SLC35D4: variants seen among roughly 807,000 people sequenced by gnomAD.
SLC35D4 encodes the protein solute carrier family 35 member D4, also known as UDP-N-acetylglucosamine transporter SLC35D4.
the SLC35D4 span, among the ~76,000 whole-genome samples, chr18:23,323,191 AAAAGC>A: frequency 1.3e-5 from 2 of 152,260 alleles, no homozygotes; most frequent in East Asian, 3.8e-4. Flanking sequence ...AGCGTTCAAT[AAAAGC>A]ACCATAATTA....
the SLC35D4 span, among the ~76,000 whole-genome samples, chr18:23,382,132 C>T: frequency 5.3e-5 from 8 of 149,652 alleles, no homozygotes; most frequent in Admixed American, 1.3e-4. Context: ...CCCAGCTACT[C>T]GGGAGGCTGA....
the SLC35D4 span, among the ~76,000 whole-genome samples, chr18:23,275,899 C>A: frequency 2.0e-5 from 3 of 152,160 alleles, no homozygotes; most frequent in East Asian, 5.8e-4. Context: ...TAGGCAAATT[C>A]ATACACACAG....
the SLC35D4 span, among the ~76,000 whole-genome samples, chr18:23,240,719 G>A: frequency 3.3e-5 from 5 of 152,080 alleles, no homozygotes; most frequent in Non-Finnish European, 7.4e-5. Flanking sequence ...CGTCTTCCTC[G>A]GGCCCCCAGG....
At chr18:23,403,996 T>C in the SLC35D4 span, among the ~76,000 whole-genome samples, 28 of 151,998 alleles carry the variant, frequency 1.8e-4, no homozygotes, top group South Asian at 4.2e-4. Context: ...CTCATGTCTG[T>C]AGTCCCAGCT....
chr18:23,239,148 G>A, the SLC35D4 span, among the ~76,000 whole-genome samples: 1 of 152,190 alleles, frequency 6.6e-6, no homozygotes, highest in Non-Finnish European at 1.5e-5. Flanking sequence ...GTGTGTATGT[G>A]CGTGTGCACG....
chr18:23,281,345 C>A, the SLC35D4 span, among the ~76,000 whole-genome samples: 33 of 152,058 alleles, frequency 2.2e-4, no homozygotes, highest in African/African-American at 8.0e-4. Flanking sequence ...TTTTTTGAGA[C>A]AAGATCTTGT....
At chr18:23,348,376 T>A in the SLC35D4 span, among the ~76,000 whole-genome samples, 1 of 152,344 alleles carries the variant, frequency 6.6e-6, no homozygotes, top group Middle Eastern at 3.4e-3. Flanking sequence ...AAGTCTTCTA[T>A]GTACTTCTAT....
the SLC35D4 span, among the ~76,000 whole-genome samples, chr18:23,353,387 G>A: frequency 6.6e-6 from 1 of 152,030 alleles, no homozygotes; most frequent in Non-Finnish European, 1.5e-5. Flanking sequence ...CCCAATCTTG[G>A]GCTGCTCTTC....
chr18:23,358,937 T>G, the SLC35D4 span, among the ~76,000 whole-genome samples: 2 of 152,116 alleles, frequency 1.3e-5, no homozygotes, highest in Admixed American at 6.5e-5. Flanking sequence ...CAAATGTTAG[T>G]GACTGTGCTA....
the SLC35D4 span, among the ~76,000 whole-genome samples, chr18:23,241,932 C>T: frequency 2.0e-5 from 3 of 152,286 alleles, no homozygotes; most frequent in East Asian, 5.8e-4. Flanking sequence ...ATGCAAGTCA[C>T]TCCCACTGTT....
At chr18:23,339,810 AC>A in the SLC35D4 span, among the ~76,000 whole-genome samples, 7 of 152,038 alleles carry the variant, frequency 4.6e-5, no homozygotes, top group African/African-American at 1.7e-4. Flanking sequence ...GCTCTCTGGG[AC>A]CTCTTTTACA....
At chr18:23,343,609 ATAT>A in the SLC35D4 span, among the ~76,000 whole-genome samples, 1 of 152,072 alleles carries the variant, frequency 6.6e-6, no homozygotes, top group Non-Finnish European at 1.5e-5. Flanking sequence ...CAGGTTTGTT[ATAT>A]AGGTAAATTG....
At chr18:23,400,495 C>T in the SLC35D4 span, among the ~76,000 whole-genome samples, 1 of 152,104 alleles carries the variant, frequency 6.6e-6, no homozygotes, top group East Asian at 1.9e-4. Context: ...ATGGTGGTGG[C>T]GAGCACCTAT....
At chr18:23,348,144 A>G in the SLC35D4 span, among the ~76,000 whole-genome samples, 2 of 152,338 alleles carry the variant, frequency 1.3e-5, no homozygotes, top group South Asian at 4.1e-4. Context: ...GGGTTTTTCT[A>G]GATTTTTTTC....
chr18:23,318,456 T>G, the SLC35D4 span, among the ~76,000 whole-genome samples: 2 of 152,348 alleles, frequency 1.3e-5, no homozygotes, highest in Admixed American at 1.3e-4. Flanking sequence ...TTTTGTTGCT[T>G]ATGCTTTTGG....
the SLC35D4 span, among the ~76,000 whole-genome samples, chr18:23,263,732 A>G: frequency 9.2e-5 from 14 of 152,356 alleles, no homozygotes; most frequent in African/African-American, 3.4e-4. Context: ...TCTAAGGCTA[A>G]GCCAAGCATA....
chr18:23,275,593 A>AG, the SLC35D4 span, among the ~76,000 whole-genome samples: 1 of 140,582 alleles, frequency 7.1e-6, no homozygotes, highest in Admixed American at 7.1e-5. Flanking sequence ...GGTCAGAAAG[A>AG]GTGCTGTGCT....
At chr18:23,244,042 G>A in the SLC35D4 span, among the ~76,000 whole-genome samples, 1 of 152,150 alleles carries the variant, frequency 6.6e-6, no homozygotes. Context: ...ATTTGTCTCG[G>A]ATTTTTGACA....
chr18:23,300,611 G>A, the SLC35D4 span, among the ~76,000 whole-genome samples: 2 of 152,218 alleles, frequency 1.3e-5, no homozygotes, highest in East Asian at 3.8e-4. Flanking sequence ...TTTACTGTTA[G>A]GAGAGCCAGG....
Sources: allele counts gnomAD v4.1 joint callset (sites outside exome capture counted in the v4.1 genomes callset), GRCh38; gene constraint gnomAD v4.1.1; transcripts MANE v1.5; gene names NCBI Gene and HGNC (gene_info 2026-07-23, HGNC 2026-07-21).